WDR25: variants seen among roughly 807,000 people sequenced by gnomAD.
The protein encoded by WDR25 is WD repeat domain 25, also known as WD repeat-containing protein 25.
A neutral mutation model predicts 47.7 loss-of-function variants in WDR25; 35 were observed. The observed-to-expected ratio is 0.73, with a 90% confidence interval of 0.56 to 0.97. WDR25 has a LOEUF of 0.97. Ranked by LOEUF, WDR25 falls within the 50% of genes least tolerant of loss-of-function variation. WDR25 has a pLI of 0.00. For synonymous variants in WDR25, 248 were observed against 278.9 expected (o/e 0.89, Z 1.10); for missense variants, 634 against 704.7 (o/e 0.90, Z 1.14).
At chr14:100,389,844 G>C (rs1440586259) in intron 2 of WDR25, among the ~76,000 whole-genome samples, 2 of 152,200 alleles carry the variant, frequency 1.3e-5, no homozygotes, top group Non-Finnish European at 2.9e-5. Context: ...GCACTGGGGA[G>C]CTCGGCCCCC....
chr14:100,519,238 TTG>T (rs958812579), intron 4 of WDR25, among the ~76,000 whole-genome samples: 78 of 150,596 alleles, frequency 5.2e-4, no homozygotes, highest in Non-Finnish European at 9.6e-4. Flanking sequence ...CAGAGTTTTT[TTG>T]TGTGTGTGTG....
chr14:100,519,875 T>C (rs1901651662), intron 4 of WDR25, among the ~76,000 whole-genome samples: 1 of 136,262 alleles, frequency 7.3e-6, no homozygotes, highest in Admixed American at 7.5e-5. Context: ...ATATATACAC[T>C]ATATGTATAT....
chr14:100,481,295 T>G, intron 3 of WDR25: 1 of 834,178 alleles, frequency 1.2e-6, no homozygotes, highest in South Asian at 1.3e-5. Flanking sequence ...TACCATGTCT[T>G]ATCAGTGGTC....
At chr14:100,412,252 T>C (rs1897732761) in intron 2 of WDR25, among the ~76,000 whole-genome samples, 1 of 151,640 alleles carries the variant, frequency 6.6e-6, no homozygotes, top group Admixed American at 6.6e-5. Context: ...TGGTGCGTTA[T>C]TCGGGAACTG....
At chr14:100,458,873 A>T (rs896599525) in intron 2 of WDR25, among the ~76,000 whole-genome samples, 1 of 152,216 alleles carries the variant, frequency 6.6e-6, no homozygotes, top group Non-Finnish European at 1.5e-5. Flanking sequence ...AATATAAAAA[A>T]TTTGTGCAGT....
At chr14:100,461,313 A>T (rs780035787) in intron 2 of WDR25, among the ~76,000 whole-genome samples, 3 of 152,242 alleles carry the variant, frequency 2.0e-5, no homozygotes, top group Admixed American at 6.5e-5. Context: ...ATCCAAGGTC[A>T]ATATCCAAAA....
rs1483494073 is a variant in WDR25 at position 100,407,093 on chromosome 14, C to T, written c.822+25347C>T. ...GAAGACAAAGGTCGCTGAAGTCCTT[C>T]CAGGAGAAGAAGATCAATGCCTGGG... On this transcript the variant is annotated intron_variant, in intron 2 of 6. Transcript: ENST00000402312. The surrounding 1 kb of genome is among the most constrained non-coding windows in gnomAD (Gnocchi z 4.1). 1.3e-5 allele frequency: 2 copies of T among 152,252 alleles called. No individual in the cohort carries two copies. The highest frequency in any genetic ancestry group is 2.9e-5 in the Non-Finnish European group (2 of 68,068). The allele number at this position is 152,252 out of a possible 1,614,324, so 9.4% of individuals were successfully genotyped here.
intron 4 of WDR25, among the ~76,000 whole-genome samples, chr14:100,508,586 A>G (rs1378859720): frequency 1.3e-5 from 2 of 152,160 alleles, no homozygotes; most frequent in Admixed American, 1.3e-4. Flanking sequence ...TTTCTAATGC[A>G]TGTGCAATTA....
intron 2 of WDR25, among the ~76,000 whole-genome samples, chr14:100,431,850 C>T (rs1479292934): frequency 2.0e-5 from 3 of 152,118 alleles, no homozygotes; most frequent in African/African-American, 4.8e-5. Flanking sequence ...GCTAGGATTA[C>T]AGGTGCCCGC....
Position 100,377,467 on chromosome 14 carries a change from A to AT in WDR25, c.-16+986dup, listed in dbSNP as rs553180990. ...GGCGCGCACCACTGCACACGGCTAA[A>AT]TTTTTTTTTTTTTTGTATTTTTAGT... On this transcript the variant is annotated intron_variant, in intron 1 of 6. Coordinates refer to ENST00000402312, the MANE Select transcript of WDR25 (RefSeq NM_001161476.3). Among the ~76,000 whole-genome samples, 1,293 of 145,518 alleles carry AT rather than the reference A, an allele frequency of 8.9e-3. 13 individuals carry two copies. Among genetic ancestry groups the AT allele is most frequent in the African/African-American group, 0.024 (947 of 39,608 alleles).
At chr14:100,382,167 C>T (rs1489934380) in intron 2 of WDR25, 1 of 702,782 alleles carries the variant, frequency 1.4e-6, no homozygotes, top group East Asian at 2.7e-5. Flanking sequence ...TAGACCCAGC[C>T]CCTGGTGTCA....
At chr14:100,433,841 T>G (rs1898415194) in intron 2 of WDR25, among the ~76,000 whole-genome samples, 1 of 152,232 alleles carries the variant, frequency 6.6e-6, no homozygotes, top group African/African-American at 2.4e-5. Context: ...AGCAAGATAT[T>G]CTGGGCTCAC....
intron 2 of WDR25, among the ~76,000 whole-genome samples, chr14:100,396,050 C>A (rs2093896861): frequency 6.7e-6 from 1 of 148,540 alleles, no homozygotes; most frequent in Non-Finnish European, 1.5e-5. Flanking sequence ...AATCTCGGCT[C>A]ACTGCAAGCT....
Position 100,488,373 on chromosome 14 carries a change from G to A in WDR25, c.1101+4249G>A, listed in dbSNP as rs1212561975. On this transcript the variant is annotated intron_variant, in intron 4 of 6. Transcript: ENST00000402312. The surrounding 1 kb of genome is among the most constrained non-coding windows in gnomAD (Gnocchi z 4.2). ...TGGTCTGACCTTTATAGTATTGTGAGGGTCAATTTCTGCAGAAGCCCCTGA... is the reference window on the plus strand; with the variant it reads ...TGGTCTGACCTTTATAGTATTGTGAAGGTCAATTTCTGCAGAAGCCCCTGA... Among the ~76,000 whole-genome samples, 1 of 152,116 alleles carries A rather than the reference G, an allele frequency of 6.6e-6. No individual in the cohort carries two copies. Among genetic ancestry groups the A allele is most frequent in the Non-Finnish European group, 1.5e-5 (1 of 68,024 alleles).
chr14:100,448,418 GGTGGTGACACCTGGGCCCC>G (rs1422151798), intron 2 of WDR25, among the ~76,000 whole-genome samples: 1 of 152,034 alleles, frequency 6.6e-6, no homozygotes, highest in Non-Finnish European at 1.5e-5. Context: ...CGTTGCCCAG[GGTGGTGACACCTGGGCCCC>G]AGGTGAGAAG....
rs558931803 is a variant in WDR25, at chr14:100,497,933, T to G, written c.1101+13809T>G. On this transcript the variant is annotated intron_variant, in intron 4 of 6. Coordinates refer to ENST00000402312, the MANE Select transcript of WDR25 (RefSeq NM_001161476.3). ...TGAGGGCTGGGAGACATGATGGTCT[T>G]TTCCAACCTGGTATCCCCAGACTGT... Among the ~76,000 whole-genome samples, 213 of 152,330 alleles carry G rather than the reference T, an allele frequency of 1.4e-3. 1 individual carries two copies. The highest frequency in any genetic ancestry group is 4.9e-3 in the African/African-American group (205 of 41,576).
chr14:100,390,741 T>A lies in WDR25; in HGVS notation c.822+8995T>A, dbSNP rs1897125737. 2.0e-5 allele frequency among the ~76,000 whole-genome samples: 3 copies of A among 152,224 alleles called. No individual in the cohort carries two copies. In the South Asian group the frequency reaches 6.2e-4, roughly 32 times the overall value. On this transcript the variant is annotated intron_variant, in intron 2 of 6. Transcript: ENST00000402312. The stretch of plus-strand genomic sequence containing the variant: ...ACATCTTTTCCCACCAGTGTGCAGA[T>A]CTGTGCCGCTCTTTTTGGGGGCTGT...
At chr14:100,470,377 C>T (rs1899788059) in intron 3 of WDR25, among the ~76,000 whole-genome samples, 2 of 152,218 alleles carry the variant, frequency 1.3e-5, no homozygotes, top group Admixed American at 1.3e-4. Flanking sequence ...CTCACTCACA[C>T]ACACCGTCGG....
At chr14:100,524,707 G>A (rs556384714) in intron 4 of WDR25, among the ~76,000 whole-genome samples, 46 of 152,138 alleles carry the variant, frequency 3.0e-4, no homozygotes, top group Non-Finnish European at 5.4e-4. Context: ...AGAATGAACC[G>A]TGGGTCCCAG....
Sources: gnomAD v4.1 joint callset for allele counts (sites outside exome capture counted in the v4.1 genomes callset) on GRCh38, gnomAD v4.1.1 for gene constraint, Gnocchi (gnomAD v3.1) non-coding constraint, MANE v1.5 for transcripts, NCBI Gene and HGNC (gene_info 2026-07-23, HGNC 2026-07-21) for gene names.